LSM6: variants seen among roughly 807,000 people sequenced by gnomAD.
LSM6 encodes the protein LSM6 homolog, U6 small nuclear RNA and mRNA degradation associated, also known as U6 snRNA-associated Sm-like protein LSm6.
In LSM6, 2 loss-of-function variants were observed where a neutral mutation model predicts 13.5. The observed-to-expected ratio is 0.15, with a 90% CI of 0.06 to 0.47. LSM6 has a LOEUF of 0.47. Among genes scored for constraint, LSM6 ranks in the 20% least tolerant of loss-of-function variants. The pLI, the probability that LSM6 is intolerant of heterozygous loss-of-function variation, is 0.97. For synonymous variants in LSM6, 43 were observed against 34.9 expected (o/e 1.23, Z -0.82); for missense variants, 58 against 96.4 (o/e 0.60, Z 1.67).
chr4:146,184,092 T>C (rs1193890424), intron 2 of LSM6, among the ~76,000 whole-genome samples: 1 of 152,142 alleles, frequency 6.6e-6, no homozygotes, highest in African/African-American at 2.4e-5. Flanking sequence ...GGAGGAATGC[T>C]GAGTCCTCAC....
intron 1 of LSM6, among the ~76,000 whole-genome samples, chr4:146,180,332 T>A (rs1730205577): frequency 6.6e-6 from 1 of 152,234 alleles, no homozygotes; most frequent in African/African-American, 2.4e-5. Flanking sequence ...GCGCCTGAAC[T>A]TGACAGGTGC....
chr4:146,186,882 A>G (rs1730361261), intron 2 of LSM6, among the ~76,000 whole-genome samples: 1 of 152,256 alleles, frequency 6.6e-6, no homozygotes, highest in Non-Finnish European at 1.5e-5. Context: ...CTAAAGTAGG[A>G]AATGCCACTG....
intron 1 of LSM6, among the ~76,000 whole-genome samples, chr4:146,178,259 C>T (rs1730153018): frequency 6.6e-6 from 1 of 152,132 alleles, no homozygotes; most frequent in African/African-American, 2.4e-5. Context: ...CCCCAAGAAG[C>T]TTTAAATTCG....
In LSM6 at chr4:146,189,679, T is replaced by C. The variant is rs754542127; in HGVS notation, c.*23T>C. On this transcript the variant is annotated 3_prime_UTR_variant, in exon 4 of 4. Transcript: ENST00000296581. ...TGAAGACACCAAGAGAGCAACGCTT[T>C]TCATAGTTGGATATATTTTTTTATG... 1 of 1,578,264 alleles carries C rather than the reference T, an allele frequency of 6.3e-7. No homozygotes were observed. The highest frequency in any genetic ancestry group is 8.6e-7 in the Non-Finnish European group (1 of 1,157,878).
In LSM6 at chr4:146,175,761, G is replaced by C. The variant is rs1323159643; in HGVS notation, c.-61G>C. On this transcript the variant is annotated 5_prime_UTR_variant, in exon 1 of 4. Coordinates refer to ENST00000296581, the MANE Select transcript of LSM6 (RefSeq NM_007080.3). ...GGTTTTGGCTGGGATCATCCGCGGC[G>C]GCCGGGCTCGTGGGGCGCCTGGAGT... The C allele has an allele frequency of 1.3e-5, 2 of 152,352 alleles. No homozygotes were observed. Among genetic ancestry groups the C allele is most frequent in the Non-Finnish European group, 2.9e-5 (2 of 68,146 alleles). 9.4% of individuals were successfully genotyped at this position (152,352 alleles called of 1,614,324 possible).
chr4:146,180,948 G>C (rs1190205587), intron 1 of LSM6: 2 of 152,194 alleles, frequency 1.3e-5, no homozygotes, highest in Non-Finnish European at 2.9e-5. Context: ...TACTGAATCT[G>C]TTACAGTATT....
chr4:146,182,570 G>A (rs1051572510), intron 1 of LSM6, among the ~76,000 whole-genome samples: 2 of 152,244 alleles, frequency 1.3e-5, no homozygotes, highest in Admixed American at 6.5e-5. Flanking sequence ...AATGGAAGTG[G>A]TAATGGTTGT....
At chr4:146,187,412 C>T (rs1425109377) in intron 3 of LSM6, 25 bp downstream of exon 3, 2 of 1,393,256 alleles carry the variant, frequency 1.4e-6, no homozygotes. Flanking sequence ...CCCTACAGTA[C>T]AGCATTCAAA....
At position 146,182,987 on chromosome 4, in the gene LSM6, A is replaced by T. The variant is rs1025472201; in HGVS notation, c.66A>T (p.Val22=). ...LKQIIGRPVV[V]KLNSGVDYRG... Reference sequence around the variant, plus strand: ...AAATCATCGGACGACCAGTTGTGGTAAAATTAAATTCTGGAGTGGATTATC... The same window carrying T: ...AAATCATCGGACGACCAGTTGTGGTTAAATTAAATTCTGGAGTGGATTATC... Residue 22 remains valine (V), a synonymous_variant, in exon 2 of 4, where the codon GTA becomes GTT. Coordinates refer to ENST00000296581, the MANE Select transcript of LSM6 (RefSeq NM_007080.3). 1.2e-6 allele frequency: 2 copies of T among 1,613,092 alleles called. No individual in the cohort carries two copies. Among genetic ancestry groups the T allele is most frequent in the African/African-American group, 2.7e-5 (2 of 74,912 alleles).
At position 146,182,960 on chromosome 4, in the gene LSM6, G is replaced by A. The variant is rs749246971; in HGVS notation, c.39G>A (p.Lys13=). The change falls in exon 2 of 4, where the codon AAG becomes AAA. Residue 13 remains lysine (K), a synonymous_variant. Coordinates refer to ENST00000296581, the MANE Select transcript of LSM6 (RefSeq NM_007080.3). ...AGCAAACCCCTAGTGACTTCTTAAA[G>A]CAAATCATCGGACGACCAGTTGTGG... ...LRKQTPSDFL[K]QIIGRPVVVK... 1.1e-5 allele frequency: 17 copies of A among 1,613,386 alleles called. No individual in the cohort carries two copies. Among genetic ancestry groups the A allele is most frequent in the Non-Finnish European group, 1.4e-5 (16 of 1,179,540 alleles).
chr4:146,185,243 C>T (rs1384779118), intron 2 of LSM6, among the ~76,000 whole-genome samples: 1 of 152,152 alleles, frequency 6.6e-6, no homozygotes, highest in Non-Finnish European at 1.5e-5. Context: ...CATGTTCTCA[C>T]CAACTCTTGT....
At chr4:146,184,769 A>G (rs1265090737) in intron 2 of LSM6, among the ~76,000 whole-genome samples, 1 of 152,186 alleles carries the variant, frequency 6.6e-6, no homozygotes. Flanking sequence ...TAAAGGCAAT[A>G]CATGTTTTAG....
intron 1 of LSM6, among the ~76,000 whole-genome samples, chr4:146,178,087 T>C (rs1366334166): frequency 6.6e-6 from 1 of 152,224 alleles, no homozygotes; most frequent in African/African-American, 2.4e-5. Context: ...TTAGTATTTG[T>C]TGAAGTACAT....
In LSM6 at chr4:146,187,206, G is replaced by A; in HGVS notation, c.95-68G>A. The A allele has an allele frequency of 5.0e-6, 4 of 800,952 alleles. No homozygotes were observed. In the South Asian group the frequency reaches 5.9e-5, roughly 12 times the overall value. The allele number at this position is 800,952 out of a possible 1,614,324, so 49.6% of individuals were successfully genotyped here. On this transcript the variant is annotated intron_variant, in intron 2 of 3. Coordinates refer to ENST00000296581, the MANE Select transcript of LSM6 (RefSeq NM_007080.3). Reference sequence around the variant, plus strand: ...TGAATAAAGAGATTGTCTGCTCTAAGGTATACCCTGTAATTTTCAACTCTT... The same window carrying A: ...TGAATAAAGAGATTGTCTGCTCTAAAGTATACCCTGTAATTTTCAACTCTT...
chr4:146,184,232 C>T (rs1270665776), intron 2 of LSM6, among the ~76,000 whole-genome samples: 9 of 152,138 alleles, frequency 5.9e-5, no homozygotes, highest in Non-Finnish European at 1.3e-4. Context: ...TTAATACTCT[C>T]CTATTGCCAA....
At chr4:146,183,263 C>T in intron 2 of LSM6, 1 of 361,104 alleles carries the variant, frequency 2.8e-6, no homozygotes, top group Non-Finnish European at 5.2e-6. Flanking sequence ...GCTTTGAGAT[C>T]ATATGTGCCT....
At chr4:146,188,634 G>T (rs1295434323) in intron 3 of LSM6, among the ~76,000 whole-genome samples, 1 of 152,154 alleles carries the variant, frequency 6.6e-6, no homozygotes, top group African/African-American at 2.4e-5. Flanking sequence ...AAGGTGGAAG[G>T]GAGAACCACC....
intron 2 of LSM6, among the ~76,000 whole-genome samples, chr4:146,184,263 A>T (rs767858827): frequency 6.6e-6 from 1 of 152,042 alleles, no homozygotes; most frequent in Non-Finnish European, 1.5e-5. Context: ...TTTGGAGGGG[A>T]CACATTCAAA....
At position 146,190,895 on chromosome 4, in the gene LSM6, G is replaced by C. The variant is rs1260949791; in HGVS notation, c.*1239G>C. On this transcript the variant is annotated 3_prime_UTR_variant, in exon 4 of 4. Coordinates refer to ENST00000296581, the MANE Select transcript of LSM6 (RefSeq NM_007080.3). Reference sequence around the variant, plus strand: ...CGAAACAACTGCTTGGTTGAAGGATGGGGGGCAGGATCGAGAAGGAGAGAG... The same window carrying C: ...CGAAACAACTGCTTGGTTGAAGGATCGGGGGCAGGATCGAGAAGGAGAGAG... The C allele has an allele frequency of 6.6e-6, 1 of 152,188 alleles. No homozygotes were observed. Among genetic ancestry groups the C allele is most frequent in the Non-Finnish European group, 1.5e-5 (1 of 68,064 alleles). 9.4% of individuals were successfully genotyped at this position (152,188 alleles called of 1,614,324 possible). A position where few individuals can be genotyped will look rare whatever the true frequency, so the allele number is the denominator to read the frequency against.
Sources: gnomAD v4.1 joint callset for allele counts (sites outside exome capture counted in the v4.1 genomes callset) on GRCh38, gnomAD v4.1.1 for gene constraint, MANE v1.5 for transcripts, NCBI Gene and HGNC (gene_info 2026-07-23, HGNC 2026-07-21) for gene names.